The following MAN1A2 variants were observed in gnomAD, a reference collection of about 807,000 sequenced individuals.
MAN1A2 encodes the protein mannosyl-oligosaccharide 1,2-alpha-mannosidase IB.
Under a neutral mutation model 75.7 loss-of-function variants are expected in MAN1A2, and 26 were observed. The ratio of observed to expected loss-of-function variants is 0.34; its 90% confidence interval spans 0.25 to 0.48. The LOEUF (loss-of-function observed/expected upper bound fraction) is 0.48, where lower values mean the gene tolerates loss of function less well. Ranked by LOEUF, MAN1A2 falls within the 20% of genes least tolerant of loss-of-function variation. MAN1A2 has a pLI of 0.99. For synonymous variants in MAN1A2, 247 were observed against 264.6 expected, an observed-to-expected ratio of 0.93 and a Z score of 0.65; for missense variants, 562 against 775.5, an observed-to-expected ratio of 0.72 and a Z score of 3.27.
At chr1:117,429,900 A>T (rs1377540212) in intron 5 of MAN1A2, among the ~76,000 whole-genome samples, 7 of 58,774 alleles carry the variant, frequency 1.2e-4, no homozygotes, top group Non-Finnish European at 1.4e-4. Context: ...CTGGCCGGGC[A>T]GAGGGGCTCC....
intron 12 of MAN1A2, among the ~76,000 whole-genome samples, chr1:117,517,811 T>C (rs1469141370): frequency 6.6e-6 from 1 of 151,378 alleles, no homozygotes; most frequent in Non-Finnish European, 1.5e-5. Flanking sequence ...CTAAACAAAC[T>C]CCAAGCACAA....
At chr1:117,411,738 A>G (rs1647825474) in intron 3 of MAN1A2, among the ~76,000 whole-genome samples, 1 of 151,802 alleles carries the variant, frequency 6.6e-6, no homozygotes, top group Non-Finnish European at 1.5e-5. Context: ...TAAGCACATC[A>G]ATAAGCAGGG....
At chr1:117,410,769 C>T (rs959239676) in intron 3 of MAN1A2, among the ~76,000 whole-genome samples, 2 of 151,264 alleles carry the variant, frequency 1.3e-5, no homozygotes, top group South Asian at 2.1e-4. Flanking sequence ...TTATAGGATA[C>T]AAGTTTAATA....
intron 10 of MAN1A2, 61 bp from the exon 11 acceptor site, chr1:117,499,321 G>A (rs1328646266): frequency 8.2e-7 from 1 of 1,220,610 alleles, no homozygotes; most frequent in African/African-American, 1.6e-5. Context: ...GAAGAAAGAA[G>A]TCCTTGCAAA....
At chr1:117,435,654 C>T (rs1648823540) in intron 5 of MAN1A2, among the ~76,000 whole-genome samples, 1 of 152,154 alleles carries the variant, frequency 6.6e-6, no homozygotes, top group African/African-American at 2.4e-5. Flanking sequence ...GATGGAAATA[C>T]ATAAAAACAT....
At chr1:117,451,958 A>G (rs371646587) in intron 6 of MAN1A2, among the ~76,000 whole-genome samples, 1 of 152,250 alleles carries the variant, frequency 6.6e-6, no homozygotes, top group East Asian at 1.9e-4. Flanking sequence ...ACTGCACTCC[A>G]GCCTGGGGGA....
intron 5 of MAN1A2, 51 bp from the exon 6 acceptor site, chr1:117,442,180 A>G: frequency 2.6e-6 from 3 of 1,152,928 alleles, no homozygotes; most frequent in South Asian, 1.2e-5. Context: ...AGCAATAAGT[A>G]AATGCTTACT....
chr1:117,374,295 T>C (rs1365004859), intron 1 of MAN1A2, among the ~76,000 whole-genome samples: 3 of 152,206 alleles, frequency 2.0e-5, no homozygotes, highest in Middle Eastern at 3.4e-3. Flanking sequence ...TCTGCCTCTT[T>C]AAAAAAAATT....
At chr1:117,438,323 C>A (rs1282225431) in intron 5 of MAN1A2, among the ~76,000 whole-genome samples, 1 of 151,978 alleles carries the variant, frequency 6.6e-6, no homozygotes, top group Admixed American at 6.5e-5. Context: ...GAAAGAAAAT[C>A]TTTTTGTACA....
chr1:117,491,335 C>T (rs1423481915), intron 8 of MAN1A2, among the ~76,000 whole-genome samples: 1 of 151,998 alleles, frequency 6.6e-6, no homozygotes, highest in Non-Finnish European at 1.5e-5. Flanking sequence ...AATCCTAGGG[C>T]CTCTAAGAAT....
intron 12 of MAN1A2, chr1:117,515,720 T>TAAGGGA (rs1198092994): frequency 6.6e-6 from 1 of 152,372 alleles, no homozygotes. Flanking sequence ...AAGTCAGCCA[T>TAAGGGA]AAAAAGACAA....
At chr1:117,425,848 T>G (rs931177671) in intron 5 of MAN1A2, among the ~76,000 whole-genome samples, 1 of 152,226 alleles carries the variant, frequency 6.6e-6, no homozygotes, top group Non-Finnish European at 1.5e-5. Context: ...TCAGTTATCG[T>G]TTAGAACTAT....
chr1:117,438,056 T>C (rs1251946311), intron 5 of MAN1A2, among the ~76,000 whole-genome samples: 7 of 152,192 alleles, frequency 4.6e-5, no homozygotes, highest in Non-Finnish European at 5.9e-5. Flanking sequence ...AAGATAGATA[T>C]GTGAGAGAGC....
Position 117,524,523 on chromosome 1 carries a change from C to T in MAN1A2, c.*1566C>T, listed in dbSNP as rs1651954101. 1 of 151,656 alleles carries T rather than the reference C, an allele frequency of 6.6e-6. No homozygotes were observed. The highest frequency in any genetic ancestry group is 2.4e-5 in the African/African-American group (1 of 41,350). 9.4% of individuals were successfully genotyped at this position (151,656 alleles called of 1,614,324 possible). A position where few individuals can be genotyped will look rare whatever the true frequency, so the allele number is the denominator to read the frequency against. ...TGAAACAAAGTTTGTACAAGAAGCCCACCTTGGAATTCTGAAGGCTTATTT... is the reference window on the plus strand; with the variant it reads ...TGAAACAAAGTTTGTACAAGAAGCCTACCTTGGAATTCTGAAGGCTTATTT... On this transcript the variant is annotated 3_prime_UTR_variant, in exon 13 of 13. Coordinates refer to ENST00000356554, the MANE Select transcript of MAN1A2 (RefSeq NM_006699.5).
intron 6 of MAN1A2, among the ~76,000 whole-genome samples, chr1:117,453,356 A>G (rs1649482307): frequency 1.3e-5 from 2 of 152,236 alleles, no homozygotes; most frequent in Admixed American, 1.3e-4. Context: ...TCTTCTGGAA[A>G]GGAGTCACTA....
chr1:117,528,833 G>A lies in MAN1A2; in HGVS notation c.*5876G>A, dbSNP rs561570612. 1.3e-5 allele frequency: 2 copies of A among 152,002 alleles called. No individual in the cohort carries two copies. The highest frequency in any genetic ancestry group is 2.9e-5 in the Non-Finnish European group (2 of 67,978). 9.4% of individuals were successfully genotyped at this position (152,002 alleles called of 1,614,324 possible). On this transcript the variant is annotated 3_prime_UTR_variant, in exon 13 of 13. Coordinates refer to ENST00000356554, the MANE Select transcript of MAN1A2 (RefSeq NM_006699.5). The stretch of plus-strand genomic sequence containing the variant: ...ATTTTTATAAATTAAAGGTAATATT[G>A]TATATTAAAGTTCAAATAAAGATGT...
intron 1 of MAN1A2, among the ~76,000 whole-genome samples, chr1:117,393,004 T>C (rs990479407): frequency 6.6e-6 from 1 of 152,228 alleles, no homozygotes; most frequent in African/African-American, 2.4e-5. Flanking sequence ...TAACGTGTTA[T>C]TTTAGGAAAG....
intron 1 of MAN1A2, among the ~76,000 whole-genome samples, chr1:117,389,316 G>T (rs1653642971): frequency 6.6e-6 from 1 of 152,194 alleles, no homozygotes; most frequent in Non-Finnish European, 1.5e-5. Flanking sequence ...TGGACAGTGG[G>T]TGGGGTGGGG....
At chr1:117,390,353 A>G (rs1653677044) in intron 1 of MAN1A2, among the ~76,000 whole-genome samples, 1 of 151,668 alleles carries the variant, frequency 6.6e-6, no homozygotes, top group African/African-American at 2.4e-5. Context: ...AGTTCACTTG[A>G]GTAGTTTTTT....
Sources: gnomAD v4.1 joint callset for allele counts (sites outside exome capture counted in the v4.1 genomes callset) on GRCh38, gnomAD v4.1.1 for gene constraint, MANE v1.5 for transcripts, NCBI Gene and HGNC (gene_info 2026-07-23, HGNC 2026-07-21) for gene names.